The following CASK variants were observed in gnomAD, a reference collection of about 807,000 sequenced individuals.
CASK encodes the protein calcium/calmodulin dependent serine protein kinase.
In CASK, 4 loss-of-function variants were observed where a neutral mutation model predicts 82.9. That is an observed-to-expected ratio of 0.05 (90% confidence interval 0.02 to 0.11). The LOEUF is 0.11. Among genes scored for constraint, CASK ranks in the 10% least tolerant of loss-of-function variants. The pLI, the probability that CASK is intolerant of heterozygous loss-of-function variation, is 1.00. For missense variants in CASK, 358 were observed against 720.9 expected, an observed-to-expected ratio of 0.50 and a Z score of 5.76; for synonymous variants, 259 against 253.5, an observed-to-expected ratio of 1.02 and a Z score of -0.20.
chrX:41,531,615 A>G (rs1444511863), intron 24 of CASK, among the ~76,000 whole-genome samples: 2 of 112,629 alleles, frequency 1.8e-5, no homozygotes, highest in African/African-American at 6.5e-5. Context: ...AATTTAAATA[A>G]GCCAAAATTA....
At chrX:41,804,540 A>G (rs956740779) in intron 2 of CASK, among the ~76,000 whole-genome samples, 2 of 111,973 alleles carry the variant, frequency 1.8e-5, no homozygotes, top group African/African-American at 6.5e-5. Flanking sequence ...TTAAAGCATG[A>G]AAGACAGAAA....
chrX:41,762,304 C>T (rs986189522), intron 3 of CASK, among the ~76,000 whole-genome samples: 1 of 111,834 alleles, frequency 8.9e-6, no homozygotes, highest in Non-Finnish European at 1.9e-5. Context: ...AGTACTTTTA[C>T]ACTTCATTTC....
chrX:41,743,276 A>G (rs1162121975), intron 4 of CASK, among the ~76,000 whole-genome samples: 1 of 111,874 alleles, frequency 8.9e-6, no homozygotes, highest in African/African-American at 3.3e-5. Context: ...CCCTTCTTCC[A>G]TTGAGTTTCA....
At chrX:41,628,346 C>A (rs1041057338) in intron 9 of CASK, among the ~76,000 whole-genome samples, 2 of 112,146 alleles carry the variant, frequency 1.8e-5, no homozygotes, top group Non-Finnish European at 3.8e-5. Flanking sequence ...CTCTGTTGCC[C>A]AGGCTGGAGT....
chrX:41,814,550 T>A (rs1414398295), intron 2 of CASK, among the ~76,000 whole-genome samples: 7 of 95,691 alleles, frequency 7.3e-5, no homozygotes, highest in Non-Finnish European at 4.0e-5. Context: ...ATGAAAACAC[T>A]TGGACACAGG....
intron 1 of CASK, among the ~76,000 whole-genome samples, chrX:41,858,862 G>C (rs1399691791): frequency 4.5e-5 from 5 of 111,099 alleles, no homozygotes; most frequent in Non-Finnish European, 7.6e-5. Flanking sequence ...ATAAAAGGCA[G>C]GATAGTGGTT....
At chrX:41,560,096 T>C (rs547498660) in intron 17 of CASK, among the ~76,000 whole-genome samples, 1 of 111,914 alleles carries the variant, frequency 8.9e-6, no homozygotes, top group South Asian at 3.7e-4. Flanking sequence ...TCTTCAATGG[T>C]CACCTTTTTA....
At chrX:41,609,813 T>G in intron 12 of CASK, 91 bp downstream of exon 12, 3 of 1,003,529 alleles carry the variant, frequency 3.0e-6, no homozygotes, top group Non-Finnish European at 4.2e-6. Flanking sequence ...CGCCTCTGCC[T>G]CCCAAAGTGC....
chrX:41,815,549 G>A (rs1223692001), intron 2 of CASK, among the ~76,000 whole-genome samples: 4 of 111,345 alleles, frequency 3.6e-5, no homozygotes, highest in African/African-American at 9.8e-5. Flanking sequence ...TATCTCAAAT[G>A]AAAAAGTCAC....
In CASK at chrX:41,667,988, C is replaced by A. The variant is rs1602435397; in HGVS notation, c.533-2536G>T. Among the ~76,000 whole-genome samples the A allele has an allele frequency of 3.6e-5, 4 of 111,711 alleles. No homozygotes were observed. In the South Asian group the frequency reaches 1.5e-3, roughly 42 times the overall value. On this transcript the variant is annotated intron_variant, in intron 6 of 26. Transcript: ENST00000378163. ...ATATATTTTTGTCAGGCTTTTATTT[C>A]TTTTCTCTCACTATGCTTTAGTTCT...
chrX:41,799,296 T>C (rs2069937291), intron 2 of CASK, among the ~76,000 whole-genome samples: 1 of 112,034 alleles, frequency 8.9e-6, no homozygotes, highest in Admixed American at 9.4e-5. Context: ...TCCCAGCACT[T>C]TGGGAGGCTG....
intron 5 of CASK, among the ~76,000 whole-genome samples, chrX:41,682,439 G>A (rs994114232): frequency 2.1e-5 from 2 of 97,177 alleles, no homozygotes; most frequent in South Asian, 1.1e-3. Flanking sequence ...TGTAGTTCCA[G>A]CTACTCAGGA....
intron 8 of CASK, 44 bp downstream of exon 8, chrX:41,660,395 T>C: frequency 9.2e-7 from 1 of 1,088,361 alleles, no homozygotes; most frequent in South Asian, 1.9e-5. Context: ...TCACTGGAAG[T>C]GTTCAGACAA....
intron 5 of CASK, chrX:41,683,135 T>C (rs6610604): frequency 0.48 from 53,404 of 110,318 alleles, 9,568 homozygotes; most frequent in East Asian, 0.86. Context: ...ATCCTCCTGT[T>C]ATGTTGACAT....
intron 1 of CASK, among the ~76,000 whole-genome samples, chrX:41,914,709 C>T (rs934417000): frequency 8.9e-6 from 1 of 112,173 alleles, no homozygotes; most frequent in Non-Finnish European, 1.9e-5. Context: ...GAAAGGCTTC[C>T]ATTTAATTGA....
At chrX:41,772,762 G>C (rs1262929556) in intron 3 of CASK, among the ~76,000 whole-genome samples, 2 of 111,270 alleles carry the variant, frequency 1.8e-5, no homozygotes, top group Non-Finnish European at 3.8e-5. Context: ...CACTTTAGGA[G>C]GCCGAGGCGG....
intron 5 of CASK, among the ~76,000 whole-genome samples, chrX:41,684,940 A>G (rs2067417690): frequency 8.9e-6 from 1 of 112,086 alleles, no homozygotes; most frequent in East Asian, 2.8e-4. Flanking sequence ...GGAATTCCCT[A>G]TTTTTAGGAA....
At chrX:41,922,532 G>A (rs1438855590) in intron 1 of CASK, among the ~76,000 whole-genome samples, 1 of 111,828 alleles carries the variant, frequency 8.9e-6, no homozygotes, top group Non-Finnish European at 1.9e-5. Context: ...TTAAAACCCT[G>A]GACTCTCTCA....
Position 41,653,094 on chromosome X carries a change from C to A in CASK, c.831+7345G>T, listed in dbSNP as rs780036314. Among the ~76,000 whole-genome samples, 3 of 112,877 alleles carry A rather than the reference C, an allele frequency of 2.7e-5. No homozygotes were observed. In the Admixed American group the frequency reaches 2.8e-4, roughly 11 times the overall value. ...GCTTCTTAATGGGGAGAAATCCCCA[C>A]ACATTTGGTGAAAGAAGTCTTGTGT... On this transcript the variant is annotated intron_variant, in intron 8 of 26. Coordinates refer to ENST00000378163, the MANE Select transcript of CASK (RefSeq NM_001367721.1).
Sources: allele counts gnomAD v4.1 joint callset (sites outside exome capture counted in the v4.1 genomes callset), GRCh38; gene constraint gnomAD v4.1.1; transcripts MANE v1.5; gene names NCBI Gene and HGNC (gene_info 2026-07-23, HGNC 2026-07-21).